The following TXNL4A variants were observed in gnomAD, a reference collection of about 807,000 sequenced individuals.
TXNL4A encodes the protein thioredoxin-like protein 4A.
Under a neutral mutation model 14.6 loss-of-function variants are expected in TXNL4A, and 17 were observed. The observed-to-expected ratio is 1.16, with a 90% confidence interval of 0.80 to 1.74. The LOEUF (loss-of-function observed/expected upper bound fraction) is 1.74, where lower values mean the gene tolerates loss of function less well. TXNL4A is among the 40% of genes most tolerant of loss of function. TXNL4A has a pLI of 0.00. For missense variants in TXNL4A, 74 were observed against 195.2 expected (o/e 0.38, Z 3.70); for synonymous variants, 83 against 70.6 (o/e 1.18, Z -0.88).
chr18:80,008,261 A>G (rs2051745911), intron 1 of TXNL4A, among the ~76,000 whole-genome samples: 2 of 152,332 alleles, frequency 1.3e-5, no homozygotes, highest in South Asian at 4.1e-4. Context: ...AGTAGCTCTC[A>G]TTCATGGGAA....
intron 1 of TXNL4A, among the ~76,000 whole-genome samples, chr18:80,019,846 T>C (rs376316994): frequency 1.4e-4 from 21 of 152,326 alleles, no homozygotes; most frequent in African/African-American, 5.1e-4. Flanking sequence ...CCTCAGGGTG[T>C]GTGTTTTTTT....
At chr18:80,019,589 T>C (rs1488385573) in intron 1 of TXNL4A, among the ~76,000 whole-genome samples, 1 of 152,222 alleles carries the variant, frequency 6.6e-6, no homozygotes, top group Non-Finnish European at 1.5e-5. Context: ...TGCCCAGGGA[T>C]AGCTATTCCC....
chr18:79,977,460 C>T, intron 2 of TXNL4A, 138 bp downstream of exon 2: 1 of 679,176 alleles, frequency 1.5e-6, no homozygotes, highest in Non-Finnish European at 2.6e-6. Context: ...ACACTGATTG[C>T]CTGGTGATAC....
At chr18:80,028,554 T>C (rs2051900153) in intron 1 of TXNL4A, among the ~76,000 whole-genome samples, 1 of 151,302 alleles carries the variant, frequency 6.6e-6, no homozygotes, top group Non-Finnish European at 1.5e-5. Flanking sequence ...TGGATCATGC[T>C]AAAATAGAAT....
intron 1 of TXNL4A, among the ~76,000 whole-genome samples, chr18:80,014,064 T>A (rs2051790470): frequency 6.6e-6 from 1 of 152,060 alleles, no homozygotes; most frequent in Admixed American, 6.6e-5. Context: ...CCAGCCCCCA[T>A]GATTCAATTA....
intron 1 of TXNL4A, among the ~76,000 whole-genome samples, chr18:80,017,274 G>A (rs1285342636): frequency 1.3e-5 from 2 of 152,120 alleles, no homozygotes; most frequent in East Asian, 1.9e-4. Context: ...TGAGACGATG[G>A]GGTTTTCTAG....
intron 1 of TXNL4A, among the ~76,000 whole-genome samples, chr18:80,021,470 C>T (rs1446400858): frequency 6.6e-6 from 1 of 152,036 alleles, no homozygotes; most frequent in Non-Finnish European, 1.5e-5. Flanking sequence ...AGCCACTGCC[C>T]CTGGCTGGTT....
At position 79,988,225 on chromosome 18, in the gene TXNL4A, A is replaced by G. The variant is rs757713538; in HGVS notation, c.153+15T>C. 2.0e-6 allele frequency: 3 copies of G among 1,506,918 alleles called. No individual in the cohort carries two copies. The highest frequency in any genetic ancestry group is 1.2e-5 in the South Asian group (1 of 80,098). 93.3% of individuals were successfully genotyped at this position (1,506,918 alleles called of 1,614,324 possible). On this transcript the variant is annotated intron_variant, in intron 1 of 2. Coordinates refer to ENST00000269601, the MANE Select transcript of TXNL4A (RefSeq NM_006701.5). ...GGAAGCACAGCCCGCAGAGCGGGAG[A>G]GTCCGGCGCGCTACCTTCTCGGCGA...
chr18:79,976,087 C>T (rs948258658), intron 2 of TXNL4A, among the ~76,000 whole-genome samples: 2 of 152,146 alleles, frequency 1.3e-5, no homozygotes, highest in African/African-American at 2.4e-5. Context: ...AAGCCAAGGG[C>T]GTGTCCAGGG....
chr18:79,998,155 G>A (rs1366964564), intron 1 of TXNL4A, among the ~76,000 whole-genome samples: 9 of 152,100 alleles, frequency 5.9e-5, no homozygotes, highest in East Asian at 1.9e-4. Context: ...TTAGCTGGGC[G>A]TGGTGGCAGC....
upstream of TXNL4A, among the ~76,000 whole-genome samples, chr18:79,993,247 C>T (rs538539899): frequency 2.6e-5 from 4 of 152,122 alleles, no homozygotes; most frequent in South Asian, 2.1e-4. This position sits in a 1 kb window ranked among gnomAD's most constrained non-coding sequence, Gnocchi z 4.4. Flanking sequence ...GCTGAAGTCT[C>T]GGACCTCTTT....
chr18:80,000,951 T>C (rs1307224499), intron 1 of TXNL4A, among the ~76,000 whole-genome samples: 2 of 152,128 alleles, frequency 1.3e-5, no homozygotes, highest in African/African-American at 4.8e-5. Context: ...AGGAGCCAAA[T>C]GTTAGTCACC....
At chr18:80,014,685 A>G (rs1271268609) in intron 1 of TXNL4A, among the ~76,000 whole-genome samples, 1 of 152,180 alleles carries the variant, frequency 6.6e-6, no homozygotes, top group African/African-American at 2.4e-5. Flanking sequence ...CAGTGGATCT[A>G]CCATTCTGGG....
chr18:79,981,422 A>G (rs570409832), intron 1 of TXNL4A, among the ~76,000 whole-genome samples: 12 of 152,252 alleles, frequency 7.9e-5, no homozygotes, highest in Non-Finnish European at 1.8e-4. Context: ...CTGTAATCCC[A>G]GCACTTTGGG....
upstream of TXNL4A, among the ~76,000 whole-genome samples, chr18:79,992,535 G>A (rs2051634658): frequency 6.6e-6 from 1 of 152,082 alleles, no homozygotes; most frequent in South Asian, 2.1e-4. Context: ...AACTCATTAA[G>A]CCAAAGGGAA....
intron 1 of TXNL4A, among the ~76,000 whole-genome samples, chr18:80,003,909 A>G (rs1195269264): frequency 1.3e-5 from 2 of 152,288 alleles, no homozygotes; most frequent in Middle Eastern, 6.8e-3. Flanking sequence ...CTCACTCACT[A>G]TCACAACAGC....
upstream of TXNL4A, among the ~76,000 whole-genome samples, chr18:79,992,878 A>AAAAAAC (rs2051637015): frequency 7.1e-6 from 1 of 140,990 alleles, no homozygotes; most frequent in Non-Finnish European, 1.5e-5. Context: ...ATCTTATGTA[A>AAAAAAC]AAAAAAAAAA....
At chr18:79,986,772 G>T in intron 1 of TXNL4A, 6 of 985,450 alleles carry the variant, frequency 6.1e-6, no homozygotes, top group Non-Finnish European at 7.2e-6. Context: ...AACAGTGAAA[G>T]ATTCTAGAAT....
chr18:79,977,929 A>C (rs2051403838), intron 1 of TXNL4A: 1 of 538,876 alleles, frequency 1.9e-6, no homozygotes. Flanking sequence ...TCAGCCTCCC[A>C]AAGTGCTGGG....
Sources: gnomAD v4.1 joint callset for allele counts (sites outside exome capture counted in the v4.1 genomes callset) on GRCh38, gnomAD v4.1.1 for gene constraint, Gnocchi (gnomAD v3.1) non-coding constraint, MANE v1.5 for transcripts, NCBI Gene and HGNC (gene_info 2026-07-23, HGNC 2026-07-21) for gene names.